The following ZNF804A variants were observed in gnomAD, a reference collection of about 807,000 sequenced individuals.
ZNF804A encodes zinc finger protein 804A.
Under a neutral mutation model 16.5 loss-of-function variants are expected in ZNF804A, and 2 were observed. That is an observed-to-expected ratio of 0.12 (90% CI 0.05 to 0.38). The LOEUF (loss-of-function observed/expected upper bound fraction) is 0.38, where lower values mean the gene tolerates loss of function less well. Among genes scored for constraint, ZNF804A ranks in the 10% least tolerant of loss-of-function variants. The probability of loss-of-function intolerance (pLI) is 0.99; values close to 1 mark genes in which losing one functional copy is unlikely to be tolerated. For missense variants in ZNF804A, 1,473 were observed against 1,390.7 expected, an observed-to-expected ratio of 1.06 and a Z score of -0.94; for synonymous variants, 534 against 489.6, an observed-to-expected ratio of 1.09 and a Z score of -1.20.
intron 1 of ZNF804A, among the ~76,000 whole-genome samples, chr2:184,776,216 G>A (rs1694282952): frequency 6.6e-6 from 1 of 151,410 alleles, no homozygotes; most frequent in African/African-American, 2.4e-5. Context: ...AGAGTTTTTT[G>A]TTAGAAAGTT....
chr2:184,743,788 G>A (rs867604392), intron 1 of ZNF804A, among the ~76,000 whole-genome samples: 16 of 151,660 alleles, frequency 1.1e-4, no homozygotes, highest in African/African-American at 2.7e-4. Flanking sequence ...TTCTTACTGC[G>A]ATTTAATTTA....
chr2:184,749,695 A>G (rs779464459), intron 1 of ZNF804A, among the ~76,000 whole-genome samples: 16 of 151,346 alleles, frequency 1.1e-4, no homozygotes, highest in Non-Finnish European at 2.1e-4. Context: ...TTTTTGGGAT[A>G]GACCAGCCAT....
At position 184,939,023 on chromosome 2, in the gene ZNF804A, C is replaced by G. The variant is rs1336928006; in HGVS notation, c.3627C>G (p.Phe1209Leu). 2 of 1,612,642 alleles carry G rather than the reference C, an allele frequency of 1.2e-6. No individual in the cohort carries two copies. The highest frequency in any genetic ancestry group is 1.7e-5 in the Admixed American group (1 of 59,956). The change falls in exon 4 of 4, where the codon TTC becomes TTG. Residue 1209 changes from phenylalanine to leucine, a missense_variant. Coordinates refer to ENST00000302277, the MANE Select transcript of ZNF804A (RefSeq NM_194250.2). ...CTGTCATCCCTTTGCAACCTCTCTTCTAGTCATCACCATAATGGGAAAAAA... is the reference window on the plus strand; with the variant it reads ...CTGTCATCCCTTTGCAACCTCTCTTGTAGTCATCACCATAATGGGAAAAAA... ...HPTVIPLQPLF is the reference protein window; with the variant it reads ...HPTVIPLQPLL
chr2:184,656,585 C>T (rs1023016906), intron 1 of ZNF804A, among the ~76,000 whole-genome samples: 5 of 152,016 alleles, frequency 3.3e-5, no homozygotes, highest in African/African-American at 1.2e-4. Context: ...AAAGTTAAGG[C>T]AGAATGTTGT....
intron 1 of ZNF804A, among the ~76,000 whole-genome samples, chr2:184,640,799 A>T (rs190529799): frequency 3.9e-5 from 6 of 152,320 alleles, no homozygotes; most frequent in Non-Finnish European, 7.3e-5. Flanking sequence ...CTTTAAGCAA[A>T]CGAAATACAT....
chr2:184,862,495 C>T (rs1695815660), intron 1 of ZNF804A, among the ~76,000 whole-genome samples: 1 of 152,078 alleles, frequency 6.6e-6, no homozygotes, highest in Admixed American at 6.5e-5. Context: ...CTATCATTTG[C>T]AAACTTAACT....
intron 1 of ZNF804A, among the ~76,000 whole-genome samples, chr2:184,750,670 A>G (rs139209759): frequency 6.6e-6 from 1 of 151,470 alleles, no homozygotes; most frequent in Non-Finnish European, 1.5e-5. Flanking sequence ...TATTATTATG[A>G]TTACTAATTT....
chr2:184,905,286 A>G (rs571299808), intron 2 of ZNF804A, among the ~76,000 whole-genome samples: 1 of 152,220 alleles, frequency 6.6e-6, no homozygotes, highest in South Asian at 2.1e-4. Flanking sequence ...ATTCTTTTCG[A>G]TAATACTCAA....
intron 1 of ZNF804A, among the ~76,000 whole-genome samples, chr2:184,723,702 T>A (rs2105743727): frequency 6.6e-6 from 1 of 151,874 alleles, no homozygotes; most frequent in East Asian, 1.9e-4. Flanking sequence ...ATTGGTCTGT[T>A]AAATGTATAT....
At chr2:184,632,028 C>T (rs1328343914) in intron 1 of ZNF804A, among the ~76,000 whole-genome samples, 2 of 151,954 alleles carry the variant, frequency 1.3e-5, no homozygotes, top group Admixed American at 1.3e-4. Context: ...CACTATTTGA[C>T]TTAGAAAGAA....
At chr2:184,908,005 C>T (rs529644578) in intron 2 of ZNF804A, among the ~76,000 whole-genome samples, 9 of 152,032 alleles carry the variant, frequency 5.9e-5, no homozygotes, top group African/African-American at 9.6e-5. Flanking sequence ...TGATACTGCC[C>T]GGTTGTGATA....
chr2:184,664,825 G>C (rs1692231401), intron 1 of ZNF804A, among the ~76,000 whole-genome samples: 1 of 151,972 alleles, frequency 6.6e-6, no homozygotes, highest in South Asian at 2.1e-4. Context: ...GCTCTTGTAG[G>C]CATGGTTTTT....
At chr2:184,650,236 A>G (rs1691958476) in intron 1 of ZNF804A, among the ~76,000 whole-genome samples, 1 of 152,180 alleles carries the variant, frequency 6.6e-6, no homozygotes, top group East Asian at 1.9e-4. Flanking sequence ...AGGTAAGGAA[A>G]AAGCTCTTGA....
intron 1 of ZNF804A, among the ~76,000 whole-genome samples, chr2:184,645,013 T>A (rs1373124107): frequency 6.6e-6 from 1 of 152,142 alleles, no homozygotes; most frequent in East Asian, 1.9e-4. Flanking sequence ...ATCACCTGCT[T>A]GTAGTGTAAT....
intron 1 of ZNF804A, among the ~76,000 whole-genome samples, chr2:184,821,632 CA>C (rs1032396808): frequency 1.3e-5 from 2 of 152,076 alleles, no homozygotes; most frequent in Admixed American, 1.3e-4. Flanking sequence ...AGACAACCTA[CA>C]TAATTAGAGA....
intron 1 of ZNF804A, among the ~76,000 whole-genome samples, chr2:184,843,309 C>T (rs1372493214): frequency 2.0e-5 from 3 of 152,214 alleles, no homozygotes; most frequent in Admixed American, 1.3e-4. Context: ...GTTGCCCAGG[C>T]TGGAGTACAG....
chr2:184,647,548 A>T (rs1449542283), intron 1 of ZNF804A, among the ~76,000 whole-genome samples: 1 of 152,214 alleles, frequency 6.6e-6, no homozygotes, highest in East Asian at 1.9e-4. Context: ...AAAATAAATC[A>T]TTCAGAGCAT....
At position 184,829,913 on chromosome 2, in the gene ZNF804A, AAAAAAAAAACAAAAAC is replaced by A. The variant is rs1217172700; in HGVS notation, c.112-36446_112-36431del. On this transcript the variant is annotated intron_variant, in intron 1 of 3. Transcript: ENST00000302277. ...CCTGTCTCTACCAAAAAAAAAAAAA[AAAAAAAAAACAAAAAC>A]AAAAAAAAAAAAACCACACACACAC... Among the ~76,000 whole-genome samples, 939 of 109,788 alleles carry A rather than the reference AAAAAAAAAACAAAAAC, an allele frequency of 8.6e-3. 55 individuals are homozygous for A. Among genetic ancestry groups the A allele is most frequent in the African/African-American group, 0.037 (673 of 18,200 alleles). The allele number at this position is 109,788 out of a possible 152,430, so 72.0% of individuals were successfully genotyped here. A position where few individuals can be genotyped will look rare whatever the true frequency, so the allele number is the denominator to read the frequency against.
At chr2:184,733,172 T>A (rs958980474) in intron 1 of ZNF804A, among the ~76,000 whole-genome samples, 1 of 152,152 alleles carries the variant, frequency 6.6e-6, no homozygotes, top group African/African-American at 2.4e-5. Context: ...TTATTGTGGA[T>A]ATTCTTTGTC....
Sources: allele counts gnomAD v4.1 joint callset (sites outside exome capture counted in the v4.1 genomes callset), GRCh38; gene constraint gnomAD v4.1.1; transcripts MANE v1.5; gene names NCBI Gene and HGNC (gene_info 2026-07-23, HGNC 2026-07-21).